Variants in GPC6 observed in about 807,000 individuals in gnomAD.
The protein encoded by GPC6 is glypican 6.
Under a neutral mutation model 55.2 loss-of-function variants are expected in GPC6, and 14 were observed. That is an observed-to-expected ratio of 0.25 (90% CI 0.17 to 0.40). The LOEUF is 0.40. GPC6 is among the 10% of genes least tolerant of loss of function. GPC6 has a pLI of 1.00. For synonymous variants in GPC6, 278 were observed against 259.6 expected (o/e 1.07, Z -0.68); for missense variants, 641 against 708.5 (o/e 0.90, Z 1.08).
intron 1 of GPC6, among the ~76,000 whole-genome samples, chr13:93,401,712 T>TAA (rs1245623029): frequency 9.1e-6 from 1 of 109,494 alleles, no homozygotes; most frequent in East Asian, 2.7e-4. Context: ...TTTTTTTTTT[T>TAA]AATGAGAGGC....
intron 4 of GPC6, among the ~76,000 whole-genome samples, chr13:94,213,747 A>G (rs371124951): frequency 6.6e-6 from 1 of 152,290 alleles, no homozygotes; most frequent in East Asian, 1.9e-4. Context: ...ATTGGATGAC[A>G]TCACTTCCAC....
chr13:93,660,337 G>A (rs1880869539), intron 2 of GPC6, among the ~76,000 whole-genome samples: 1 of 151,936 alleles, frequency 6.6e-6, no homozygotes, highest in African/African-American at 2.4e-5. Context: ...TGTTGAGGTA[G>A]GTATGGAAAA....
At chr13:93,784,205 T>A (rs961229707) in intron 2 of GPC6, among the ~76,000 whole-genome samples, 3 of 152,176 alleles carry the variant, frequency 2.0e-5, no homozygotes, top group Admixed American at 6.5e-5. Flanking sequence ...TAATAAGCTT[T>A]ATTCATGACC....
chr13:93,598,779 A>G (rs1423449969), intron 2 of GPC6, among the ~76,000 whole-genome samples: 2 of 152,180 alleles, frequency 1.3e-5, no homozygotes, highest in African/African-American at 4.8e-5. Context: ...ACCCATTTGT[A>G]TTTTCCTTAA....
rs115157309 is a variant in GPC6, at chr13:93,314,607, A to G, written c.160+86991A>G. Among the ~76,000 whole-genome samples the G allele has an allele frequency of 1.7e-3, 255 of 152,230 alleles. 1 individual carries two copies. Among genetic ancestry groups the G allele is most frequent in the African/African-American group, 5.4e-3 (223 of 41,554 alleles). The stretch of plus-strand genomic sequence containing the variant: ...GAGACCTTGGTTGCCTTGTTTAGCT[A>G]CTATCAACAGCAAATAAAGTTGCAT... On this transcript the variant is annotated intron_variant, in intron 1 of 8. Transcript: ENST00000377047.
In GPC6 at chr13:93,597,007, C is replaced by CAAA. The variant is rs10709473; in HGVS notation, c.319+51607_319+51609dup. On this transcript the variant is annotated intron_variant, in intron 2 of 8. Coordinates refer to ENST00000377047, the MANE Select transcript of GPC6 (RefSeq NM_005708.5). ...AACTTATATTTTAGTTCAAATCTGG[C>CAAA]AAAAAAAAAAAAAAAAAAAAAAAGA... Among the ~76,000 whole-genome samples the CAAA allele has an allele frequency of 9.2e-3, 628 of 67,992 alleles. 10 individuals are homozygous for CAAA. The highest frequency in any genetic ancestry group is 0.023 in the African/African-American group (604 of 26,128). The allele number at this position is 67,992 out of a possible 152,430, so 44.6% of individuals were successfully genotyped here.
chr13:93,259,455 T>C (rs558055941), intron 1 of GPC6, among the ~76,000 whole-genome samples: 47 of 152,306 alleles, frequency 3.1e-4, no homozygotes, highest in African/African-American at 1.1e-3. Context: ...CTCAGGAGTA[T>C]AGTAATATGA....
intron 4 of GPC6, among the ~76,000 whole-genome samples, chr13:94,132,017 G>T (rs191036639): frequency 4.0e-4 from 61 of 152,280 alleles, no homozygotes; most frequent in Non-Finnish European, 2.9e-5. Flanking sequence ...AATAGATTCT[G>T]CCTGTTACCT....
intron 2 of GPC6, among the ~76,000 whole-genome samples, chr13:93,721,606 G>A (rs1156774308): frequency 2.6e-5 from 4 of 151,728 alleles, no homozygotes; most frequent in East Asian, 1.9e-4. Flanking sequence ...AATTCTGCCC[G>A]TGTGTTTAGT....
Position 93,860,762 on chromosome 13 carries a change from T to G in GPC6, c.711+30217T>G, listed in dbSNP as rs561988688. On this transcript the variant is annotated intron_variant, in intron 3 of 8. Coordinates refer to ENST00000377047, the MANE Select transcript of GPC6 (RefSeq NM_005708.5). ...TTAGAATAATGAAGACTCTTGATCC[T>G]TAACTATCTTTATAGCTGGCCAAAT... is the stretch of plus-strand genomic sequence containing the variant. Among the ~76,000 whole-genome samples, 70 of 151,854 alleles carry G rather than the reference T, an allele frequency of 4.6e-4. 1 individual carries two copies. Among genetic ancestry groups the G allele is most frequent in the African/African-American group, 1.6e-3 (67 of 41,516 alleles).
chr13:93,769,181 A>G (rs1165753914), intron 2 of GPC6, among the ~76,000 whole-genome samples: 1 of 152,084 alleles, frequency 6.6e-6, no homozygotes, highest in African/African-American at 2.4e-5. Flanking sequence ...GTCTTCCATT[A>G]AATATGGTAG....
chr13:94,273,614 C>T (rs1207527523), intron 4 of GPC6, among the ~76,000 whole-genome samples: 1 of 152,136 alleles, frequency 6.6e-6, no homozygotes, highest in Non-Finnish European at 1.5e-5. Context: ...ACAGGGTAAG[C>T]ATGTTGATGC....
chr13:94,240,000 G>T (rs1891005835), intron 4 of GPC6, among the ~76,000 whole-genome samples: 1 of 152,090 alleles, frequency 6.6e-6, no homozygotes, highest in South Asian at 2.1e-4. Context: ...AATCTTGAAG[G>T]CTGAGAGTGA....
At position 93,507,125 on chromosome 13, in the gene GPC6, T is replaced by C. The variant is rs949694610; in HGVS notation, c.161-38138T>C. On this transcript the variant is annotated intron_variant, in intron 1 of 8. Coordinates refer to ENST00000377047, the MANE Select transcript of GPC6 (RefSeq NM_005708.5). ...ATATTCACACTCAGACAAGGACTGG[T>C]CAACTTACTTGCTTTGTGTGGAGCA... 2.1e-5 allele frequency among the ~76,000 whole-genome samples: 3 copies of C among 143,300 alleles called. No individual in the cohort carries two copies. The Admixed American group carries it at 2.1e-4, about 10-fold the overall frequency. 94.0% of individuals were successfully genotyped at this position (143,300 alleles called of 152,430 possible).
intron 4 of GPC6, among the ~76,000 whole-genome samples, chr13:94,169,530 G>A (rs145948797): frequency 6.6e-6 from 1 of 152,314 alleles, no homozygotes; most frequent in Non-Finnish European, 1.5e-5. Flanking sequence ...GACAGTTATT[G>A]TGTCTCTGTG....
At chr13:93,288,895 T>C (rs376498894) in intron 1 of GPC6, among the ~76,000 whole-genome samples, 13 of 152,132 alleles carry the variant, frequency 8.5e-5, no homozygotes, top group African/African-American at 3.1e-4. Context: ...TAAATGTAAA[T>C]CTTCATACAG....
At chr13:93,279,337 G>A (rs921953004) in intron 1 of GPC6, among the ~76,000 whole-genome samples, 1 of 152,180 alleles carries the variant, frequency 6.6e-6, no homozygotes, top group Non-Finnish European at 1.5e-5. Context: ...GGAGTTAACA[G>A]ATATTCTAGA....
intron 4 of GPC6, among the ~76,000 whole-genome samples, chr13:94,124,392 G>C (rs1229321622): frequency 6.6e-6 from 1 of 152,072 alleles, no homozygotes; most frequent in African/African-American, 2.4e-5. Flanking sequence ...TGGCACCTGT[G>C]ATGCAAAGAT....
At chr13:93,875,724 T>C (rs1388121631) in intron 3 of GPC6, among the ~76,000 whole-genome samples, 1 of 152,040 alleles carries the variant, frequency 6.6e-6, no homozygotes, top group Non-Finnish European at 1.5e-5. Flanking sequence ...ATGATTCATA[T>C]GGCATGGGAG....
Sources: gnomAD v4.1 joint callset for allele counts (sites outside exome capture counted in the v4.1 genomes callset) on GRCh38, gnomAD v4.1.1 for gene constraint, MANE v1.5 for transcripts, NCBI Gene and HGNC (gene_info 2026-07-23, HGNC 2026-07-21) for gene names.